The following CTNNA3 variants were observed in gnomAD, a reference collection of about 807,000 sequenced individuals.
CTNNA3 encodes catenin alpha-3.
Under a neutral mutation model 95.7 loss-of-function variants are expected in CTNNA3, and 76 were observed. That is an observed-to-expected ratio of 0.79 (90% CI 0.66 to 0.96). The LOEUF is 0.96. CTNNA3 is among the 40% of genes least tolerant of loss of function. The probability of loss-of-function intolerance (pLI) is 0.00; values close to 1 mark genes in which losing one functional copy is unlikely to be tolerated. For synonymous variants in CTNNA3, 431 were observed against 374.4 expected (o/e 1.15, Z -1.74); for missense variants, 1,191 against 1,089.8 (o/e 1.09, Z -1.31).
At chr10:66,275,670 G>T (rs950216440) in intron 13 of CTNNA3, among the ~76,000 whole-genome samples, 4 of 152,040 alleles carry the variant, frequency 2.6e-5, no homozygotes, top group Non-Finnish European at 5.9e-5. Context: ...TAATTCCAGA[G>T]AATTGTAATT....
chr10:67,551,847 A>G (rs1332072881), intron 3 of CTNNA3, among the ~76,000 whole-genome samples: 2 of 152,186 alleles, frequency 1.3e-5, no homozygotes, highest in Non-Finnish European at 2.9e-5. Flanking sequence ...CTCACTTCCA[A>G]ATGCCTCCCT....
At chr10:66,591,219 A>C (rs183457832) in intron 10 of CTNNA3, among the ~76,000 whole-genome samples, 1 of 152,266 alleles carries the variant, frequency 6.6e-6, no homozygotes, top group African/African-American at 2.4e-5. Context: ...CCAATCAGTC[A>C]ACAAGTGTTT....
At chr10:66,040,721 A>C (rs2079669091) in intron 15 of CTNNA3, among the ~76,000 whole-genome samples, 1 of 152,080 alleles carries the variant, frequency 6.6e-6, no homozygotes. Flanking sequence ...ACTGGCGCCT[A>C]CTGGAGGGTG....
intron 10 of CTNNA3, among the ~76,000 whole-genome samples, chr10:66,592,506 T>A (rs1311965440): frequency 6.6e-6 from 1 of 152,126 alleles, no homozygotes; most frequent in Non-Finnish European, 1.5e-5. Flanking sequence ...AAGACCACAT[T>A]GATAAAATGT....
chr10:67,063,618 A>C (rs930042600), intron 7 of CTNNA3, among the ~76,000 whole-genome samples: 1 of 152,226 alleles, frequency 6.6e-6, no homozygotes. Context: ...TAGATAATGC[A>C]TATGACATGG....
At chr10:67,478,172 G>A (rs1349345282) in intron 5 of CTNNA3, among the ~76,000 whole-genome samples, 1 of 152,170 alleles carries the variant, frequency 6.6e-6, no homozygotes, top group East Asian at 1.9e-4. Flanking sequence ...AAGTCATTGA[G>A]AATTAGGGAA....
At chr10:66,216,954 T>C (rs1488441291) in intron 13 of CTNNA3, among the ~76,000 whole-genome samples, 2 of 152,162 alleles carry the variant, frequency 1.3e-5, no homozygotes, top group East Asian at 3.9e-4. Context: ...ATCTCCCTCA[T>C]ATTACCCTTC....
chr10:67,526,349 A>ATT (rs34051034), intron 4 of CTNNA3, among the ~76,000 whole-genome samples: 2,015 of 135,644 alleles, frequency 0.015, 26 homozygotes, highest in East Asian at 0.027. Flanking sequence ...ATCTCAAATG[A>ATT]TTTTTTTTTT....
At chr10:65,935,413 T>A (rs1171203671) in intron 17 of CTNNA3, among the ~76,000 whole-genome samples, 1 of 152,116 alleles carries the variant, frequency 6.6e-6, no homozygotes, top group Non-Finnish European at 1.5e-5. Context: ...TTTTAAAATA[T>A]CTGGTTATTA....
At chr10:66,157,512 TA>T (rs2133923082) in intron 13 of CTNNA3, among the ~76,000 whole-genome samples, 1 of 105,790 alleles carries the variant, frequency 9.5e-6, no homozygotes, top group East Asian at 4.0e-4. Flanking sequence ...GATAGATAGA[TA>T]GATAGATAGA....
At chr10:67,602,099 G>A (rs543994425) in intron 3 of CTNNA3, among the ~76,000 whole-genome samples, 1 of 151,508 alleles carries the variant, frequency 6.6e-6, no homozygotes, top group East Asian at 1.9e-4. Flanking sequence ...AAAGCTATCT[G>A]TACTCTCAAT....
intron 1 of CTNNA3, among the ~76,000 whole-genome samples, chr10:67,737,799 T>G (rs1474730070): frequency 1.3e-5 from 2 of 152,230 alleles, no homozygotes; most frequent in East Asian, 3.8e-4. Context: ...ACTTTTACAC[T>G]GTTGGTGGGA....
At chr10:67,594,011 A>G (rs1265935942) in intron 3 of CTNNA3, among the ~76,000 whole-genome samples, 1 of 152,112 alleles carries the variant, frequency 6.6e-6, no homozygotes, top group Non-Finnish European at 1.5e-5. Flanking sequence ...ATCTATTGAG[A>G]TGATCGTGTG....
At chr10:67,370,580 TA>T (rs1215180583) in intron 5 of CTNNA3, among the ~76,000 whole-genome samples, 5 of 152,166 alleles carry the variant, frequency 3.3e-5, no homozygotes, top group Non-Finnish European at 7.3e-5. Flanking sequence ...TTTACATCTG[TA>T]GGTTAGGAAT....
chr10:66,128,536 A>C (rs1344694985), intron 13 of CTNNA3, among the ~76,000 whole-genome samples: 1 of 152,196 alleles, frequency 6.6e-6, no homozygotes, highest in African/African-American at 2.4e-5. Context: ...CAAGTGAAAA[A>C]AAAAGCCAGT....
intron 5 of CTNNA3, among the ~76,000 whole-genome samples, chr10:67,432,056 A>G (rs975349023): frequency 1.3e-5 from 2 of 152,064 alleles, no homozygotes; most frequent in Admixed American, 6.6e-5. Context: ...AACTGAATAA[A>G]AATGAAACAG....
At chr10:67,550,445 A>G (rs902673608) in intron 3 of CTNNA3, among the ~76,000 whole-genome samples, 9 of 152,188 alleles carry the variant, frequency 5.9e-5, no homozygotes, top group African/African-American at 2.2e-4. Flanking sequence ...AGCAAGTCAC[A>G]TAATTTTTTG....
chr10:66,403,626 G>A (rs970739920), intron 11 of CTNNA3, among the ~76,000 whole-genome samples: 1 of 152,112 alleles, frequency 6.6e-6, no homozygotes, highest in South Asian at 2.1e-4. Context: ...ACGTAATTTG[G>A]GGGGAGACGA....
chr10:67,354,894 G>T (rs932523068), intron 5 of CTNNA3, among the ~76,000 whole-genome samples: 4 of 151,834 alleles, frequency 2.6e-5, no homozygotes, highest in African/African-American at 7.3e-5. Flanking sequence ...ACAACCTAGG[G>T]TATCTATTTC....
Sources: allele counts gnomAD v4.1 joint callset (sites outside exome capture counted in the v4.1 genomes callset), GRCh38; gene constraint gnomAD v4.1.1; transcripts MANE v1.5; gene names NCBI Gene and HGNC (gene_info 2026-07-23, HGNC 2026-07-21).